Variants in OPCML observed in about 807,000 individuals in gnomAD.
OPCML encodes the protein opioid-binding protein/cell adhesion molecule.
Under a neutral mutation model 37.8 loss-of-function variants are expected in OPCML, and 13 were observed. The observed-to-expected ratio is 0.34, with a 90% CI of 0.22 to 0.55. OPCML has a LOEUF of 0.55. Among genes scored for constraint, OPCML ranks in the 20% least tolerant of loss-of-function variants. The pLI is 0.91. For synonymous variants in OPCML, 176 were observed against 168.8 expected (o/e 1.04, Z -0.33); for missense variants, 341 against 435.6 (o/e 0.78, Z 1.93).
In OPCML at chr11:133,373,762, G is replaced by A. The variant is rs145225966; in HGVS notation, c.61+158502C>T. ...AAACACTATTAAATGTTCGGTGAAT[G>A]TGTATGTAACATTCTATAAGCTGCC... On this transcript the variant is annotated intron_variant, in intron 1 of 7. Transcript: ENST00000524381. 1.2e-3 allele frequency among the ~76,000 whole-genome samples: 186 copies of A among 152,282 alleles called. 1 individual carries two copies. The highest frequency in any genetic ancestry group is 4.3e-3 in the African/African-American group (178 of 41,560).
At chr11:132,994,437 C>G (rs1946844141) in intron 1 of OPCML, among the ~76,000 whole-genome samples, 1 of 152,180 alleles carries the variant, frequency 6.6e-6, no homozygotes, top group East Asian at 1.9e-4. Context: ...GGAGGAGCTG[C>G]TGGGGGCTCG....
chr11:133,277,304 G>A (rs1225840385), intron 1 of OPCML, among the ~76,000 whole-genome samples: 2 of 151,984 alleles, frequency 1.3e-5, no homozygotes, highest in Non-Finnish European at 2.9e-5. Flanking sequence ...GGTTTTCGGG[G>A]AAGAAAGAAA....
chr11:133,018,799 C>T (rs752384578), intron 1 of OPCML, among the ~76,000 whole-genome samples: 6 of 152,230 alleles, frequency 3.9e-5, no homozygotes, highest in Non-Finnish European at 8.8e-5. Context: ...CACGCTGTGT[C>T]GTCCCCCCAG....
rs148564349 is a variant in OPCML, at chr11:133,134,907, T to G, written c.62-191897A>C. On this transcript the variant is annotated intron_variant, in intron 1 of 7. Transcript: ENST00000524381. ...TACAGCCACTTTCTTTTACTTGTATTTTCTGGAGTATTTTTTCCATTCCCA... is the reference window on the plus strand; with the variant it reads ...TACAGCCACTTTCTTTTACTTGTATGTTCTGGAGTATTTTTTCCATTCCCA... Among the ~76,000 whole-genome samples the G allele has an allele frequency of 4.5e-3, 686 of 152,314 alleles. 6 individuals carry two copies. The highest frequency in any genetic ancestry group is 0.015 in the African/African-American group (614 of 41,576).
At chr11:133,314,138 G>C (rs891241479) in intron 1 of OPCML, among the ~76,000 whole-genome samples, 14 of 149,044 alleles carry the variant, frequency 9.4e-5, no homozygotes, top group Non-Finnish European at 1.6e-4. Context: ...GGGAGGCTGA[G>C]GCAGGAGAAT....
chr11:132,754,485 C>G (rs973320974), intron 2 of OPCML, among the ~76,000 whole-genome samples: 1 of 152,138 alleles, frequency 6.6e-6, no homozygotes, highest in East Asian at 1.9e-4. Context: ...GGCTTCCCAG[C>G]CACATGGAAC....
chr11:133,193,314 A>G, intron 1 of OPCML, among the ~76,000 whole-genome samples: 1 of 152,188 alleles, frequency 6.6e-6, no homozygotes, highest in Admixed American at 6.5e-5. Flanking sequence ...AGGAGTGAGT[A>G]AAAGCATCTC....
At chr11:133,080,932 C>G (rs1326411013) in intron 1 of OPCML, among the ~76,000 whole-genome samples, 1 of 152,088 alleles carries the variant, frequency 6.6e-6, no homozygotes, top group Non-Finnish European at 1.5e-5. Context: ...AGTGGGGACA[C>G]AGGTGAGTGG....
At chr11:133,373,449 A>ATATATATATT (rs11271906) in intron 1 of OPCML, among the ~76,000 whole-genome samples, 1 of 127,194 alleles carries the variant, frequency 7.9e-6, no homozygotes, top group Non-Finnish European at 1.6e-5. Context: ...ATATATATAT[A>ATATATATATT]CACACACACA....
intron 1 of OPCML, among the ~76,000 whole-genome samples, chr11:133,191,730 G>A (rs996536939): frequency 4.6e-5 from 7 of 152,212 alleles, no homozygotes; most frequent in South Asian, 2.1e-4. Context: ...CTGACCTCAG[G>A]TGATCCACAC....
intron 1 of OPCML, among the ~76,000 whole-genome samples, chr11:133,027,675 T>C (rs1428095300): frequency 7.1e-6 from 1 of 139,926 alleles, no homozygotes; most frequent in African/African-American, 2.7e-5. Flanking sequence ...GTGGTGTGCA[T>C]GGGATGGTGT....
intron 2 of OPCML, among the ~76,000 whole-genome samples, chr11:132,747,726 A>G (rs1012625001): frequency 6.6e-6 from 1 of 152,240 alleles, no homozygotes; most frequent in Non-Finnish European, 1.5e-5. Flanking sequence ...ATATTAGACA[A>G]TGACATCAAC....
chr11:133,515,176 G>C (rs1948239095), intron 1 of OPCML, among the ~76,000 whole-genome samples: 1 of 152,198 alleles, frequency 6.6e-6, no homozygotes, highest in Non-Finnish European at 1.5e-5. Flanking sequence ...AACCAGAGCA[G>C]GTCAGAGGTG....
chr11:133,142,842 A>G (rs1949844241), intron 1 of OPCML, among the ~76,000 whole-genome samples: 1 of 152,016 alleles, frequency 6.6e-6, no homozygotes, highest in East Asian at 2.0e-4. Flanking sequence ...GGACTATGAG[A>G]AGGCACTTGG....
intron 1 of OPCML, among the ~76,000 whole-genome samples, chr11:133,146,680 T>C (rs904575907): frequency 6.6e-6 from 1 of 152,036 alleles, no homozygotes; most frequent in African/African-American, 2.4e-5. Flanking sequence ...GGCTGGGTCT[T>C]GAACTCCTGA....
chr11:133,310,423 CT>C (rs1003871242), intron 1 of OPCML, among the ~76,000 whole-genome samples: 10 of 152,122 alleles, frequency 6.6e-5, no homozygotes, highest in African/African-American at 2.4e-4. Flanking sequence ...AGGCATTTCC[CT>C]TAGTTTAAAA....
At chr11:133,157,227 A>G (rs1950074916) in intron 1 of OPCML, among the ~76,000 whole-genome samples, 1 of 152,214 alleles carries the variant, frequency 6.6e-6, no homozygotes, top group South Asian at 2.1e-4. Flanking sequence ...GCAGGCTGTC[A>G]TCATTATGAA....
chr11:133,004,614 C>A, intron 1 of OPCML: 2 of 985,482 alleles, frequency 2.0e-6, no homozygotes, highest in African/African-American at 1.7e-5. Context: ...CTCCTCTGAT[C>A]CAGTTGCTGC....
chr11:133,283,982 C>G (rs1257928922), intron 1 of OPCML, among the ~76,000 whole-genome samples: 1 of 152,206 alleles, frequency 6.6e-6, no homozygotes, highest in African/African-American at 2.4e-5. Context: ...CCCTAAAACA[C>G]CTTCTCACTT....
Sources: gnomAD v4.1 joint callset for allele counts (sites outside exome capture counted in the v4.1 genomes callset) on GRCh38, gnomAD v4.1.1 for gene constraint, MANE v1.5 for transcripts, NCBI Gene and HGNC (gene_info 2026-07-23, HGNC 2026-07-21) for gene names.